Variants in POP4 observed in about 807,000 individuals in gnomAD.
POP4 encodes the protein POP4 ribonuclease P/MRP subunit.
In POP4, 31 loss-of-function variants were observed where a neutral mutation model predicts 29.9. The observed-to-expected ratio is 1.04, with a 90% confidence interval of 0.78 to 1.40. The LOEUF (loss-of-function observed/expected upper bound fraction) is 1.40, where lower values mean the gene tolerates loss of function less well. Ranked by LOEUF, POP4 falls within the 40% of genes most tolerant of loss-of-function variation. The probability of loss-of-function intolerance (pLI) is 0.00; values close to 1 mark genes in which losing one functional copy is unlikely to be tolerated. For synonymous variants in POP4, 110 were observed against 108.2 expected (o/e 1.02, Z -0.10); for missense variants, 286 against 282.7 (o/e 1.01, Z -0.08).
At chr19:29,611,749 C>T in intron 3 of POP4, 113 bp from the exon 4 acceptor site, 2 of 855,388 alleles carry the variant, frequency 2.3e-6, no homozygotes, top group Non-Finnish European at 1.9e-6. Context: ...CACATAGTTC[C>T]TAATGATCCC....
Position 29,606,333 on chromosome 19 carries a change from G to A in POP4, c.7+8G>A, listed in dbSNP as rs749191818. The A allele has an allele frequency of 1.2e-6, 2 of 1,606,156 alleles. No individual in the cohort carries two copies. The highest frequency in any genetic ancestry group is 1.1e-5 in the South Asian group (1 of 90,138). On this transcript the variant is annotated splice_region_variant and intron_variant, in intron 1 of 6. Transcript: ENST00000585603. ...GCGGTCCGAGAATGAAGAGTAAGCG[G>A]GGCCGCGAAGTTGGAGAGGGTTGGG...
rs1347696169 is a variant in POP4 at position 29,617,102 on chromosome 19, TC to T, written c.*1727del. ...GTCTTGAGTGGGAAGTGGCATCTAT[TC>T]CCCCAGCCATCTGAAAATGCTGTGT... On this transcript the variant is annotated 3_prime_UTR_variant, in exon 7 of 7. Coordinates refer to ENST00000585603, the MANE Select transcript of POP4 (RefSeq NM_006627.3). 1 of 152,200 alleles carries T rather than the reference TC, an allele frequency of 6.6e-6. No individual in the cohort carries two copies. The highest frequency in any genetic ancestry group is 2.4e-5 in the African/African-American group (1 of 41,434). 9.4% of individuals were successfully genotyped at this position (152,200 alleles called of 1,614,324 possible).
Position 29,617,125 on chromosome 19 carries a change from G to C in POP4, c.*1745G>C, listed in dbSNP as rs1253059392. On this transcript the variant is annotated 3_prime_UTR_variant, in exon 7 of 7. Coordinates refer to ENST00000585603, the MANE Select transcript of POP4 (RefSeq NM_006627.3). ...ATTCCCCCAGCCATCTGAAAATGCT[G>C]TGTTCATAACCAAATAGGTGCTGTA... is the stretch of plus-strand genomic sequence containing the variant. 1 of 152,242 alleles carries C rather than the reference G, an allele frequency of 6.6e-6. No individual in the cohort carries two copies. Among genetic ancestry groups the C allele is most frequent in the African/African-American group, 2.4e-5 (1 of 41,442 alleles). 9.4% of individuals were successfully genotyped at this position (152,242 alleles called of 1,614,324 possible).
At chr19:29,614,669 A>G (rs1337119644) in intron 6 of POP4, among the ~76,000 whole-genome samples, 1 of 151,916 alleles carries the variant, frequency 6.6e-6, no homozygotes, top group Non-Finnish European at 1.5e-5. Flanking sequence ...ACGCCCGGCT[A>G]ATTTTTGTAT....
chr19:29,613,549 C>T (rs1288401955), intron 5 of POP4, among the ~76,000 whole-genome samples: 6 of 152,220 alleles, frequency 3.9e-5, no homozygotes, highest in Admixed American at 3.9e-4. Context: ...TGCATCAGAG[C>T]AGCCAGCCCG....
chr19:29,609,344 T>G (rs1190791030), intron 2 of POP4: 3 of 152,406 alleles, frequency 2.0e-5, no homozygotes, highest in Non-Finnish European at 4.4e-5. Context: ...GTGAGCTCCC[T>G]CGAAGGCTAT....
intron 5 of POP4, 51 bp from the exon 6 acceptor site, chr19:29,613,820 T>TCC (rs774488637): frequency 6.4e-7 from 1 of 1,557,360 alleles, no homozygotes; most frequent in Non-Finnish European, 8.6e-7. Context: ...TCTCTGTGGT[T>TCC]CCCCCAGCAC....
Position 29,615,300 on chromosome 19 carries a change from A to G in POP4, c.583A>G (p.Ile195Val). Residue 195 changes from isoleucine (I) to valine (V), a missense_variant, in exon 7 of 7, where the codon ATT becomes GTT. Transcript: ENST00000585603. ...TVETDGFISY[I>V]YGSKFQLRSS... ...GGAAACCGATGGCTTTATTTCCTAC[A>G]TTTACGGGAGCAAATTCCAGCTTCG... 2 of 1,607,568 alleles carry G rather than the reference A, an allele frequency of 1.2e-6. No individual in the cohort carries two copies. Among genetic ancestry groups the G allele is most frequent in the South Asian group, 1.1e-5 (1 of 90,900 alleles).
rs760011774 is a variant in POP4, at chr19:29,616,511, C to G, written c.*1131C>G. ...GAGAAGTAGCAGTGCCAGGGCTTTG[C>G]GTTTCTGGTAACTTCCACCCAAACC... On this transcript the variant is annotated 3_prime_UTR_variant, in exon 7 of 7. Transcript: ENST00000585603. The G allele has an allele frequency of 5.9e-5, 9 of 152,296 alleles. No homozygotes were observed. Among genetic ancestry groups the G allele is most frequent in the Non-Finnish European group, 1.3e-4 (9 of 68,106 alleles). 9.4% of individuals were successfully genotyped at this position (152,296 alleles called of 1,614,324 possible). A position where few individuals can be genotyped will look rare whatever the true frequency, so the allele number is the denominator to read the frequency against.
Position 29,611,941 on chromosome 19 carries a change from T to G in POP4, c.362+2T>G. ...GTGCAGTGGGCTCAAGCCAGACACG[T>G]AAGTTGCATTCCTGAAGCTTTGCTC... On this transcript the variant is annotated splice_donor_variant, in intron 4 of 6. Transcript: ENST00000585603. LOFTEE classifies it high-confidence loss of function. 1 of 1,613,490 alleles carries G rather than the reference T, an allele frequency of 6.2e-7. No individual in the cohort carries two copies. The highest frequency in any genetic ancestry group is 8.5e-7 in the Non-Finnish European group (1 of 1,179,374).
At chr19:29,614,960 A>G (rs1971113588) in intron 6 of POP4, among the ~76,000 whole-genome samples, 1 of 152,168 alleles carries the variant, frequency 6.6e-6, no homozygotes, top group Non-Finnish European at 1.5e-5. Flanking sequence ...TGGGAAAACC[A>G]GTTTCTGGCA....
chr19:29,610,803 G>A, intron 3 of POP4, 171 bp downstream of exon 3: 1 of 662,874 alleles, frequency 1.5e-6, no homozygotes, highest in Non-Finnish European at 2.6e-6. Flanking sequence ...TGTTCAGCGA[G>A]GCGGGTGAGA....
Position 29,610,370 on chromosome 19 carries a change from C to G in POP4, c.61-39C>G, listed in dbSNP as rs200268742. 1.9e-4 allele frequency: 294 copies of G among 1,512,176 alleles called. No homozygotes were observed. In the African/African-American group the frequency reaches 3.8e-3, roughly 19 times the overall value. The allele number at this position is 1,512,176 out of a possible 1,614,324, so 93.7% of individuals were successfully genotyped here. On this transcript the variant is annotated intron_variant, in intron 2 of 6. Transcript: ENST00000585603. ...TGCCTGGGATCCTGGGCTGCCCAGA[C>G]CGGAGCAGTGAGCGCCGCACCCCCT...
intron 5 of POP4, among the ~76,000 whole-genome samples, chr19:29,612,602 G>C (rs1348179724): frequency 6.6e-5 from 10 of 152,116 alleles, no homozygotes. Flanking sequence ...GCATCCAGCT[G>C]CCCACTTGAC....
At position 29,614,242 on chromosome 19, in the gene POP4, T is replaced by C. The variant is rs541202972; in HGVS notation, c.526+270T>C. Among the ~76,000 whole-genome samples, 7 of 152,338 alleles carry C rather than the reference T, an allele frequency of 4.6e-5. No homozygotes were observed. In the East Asian group the frequency reaches 1.4e-3, roughly 29 times the overall value. On this transcript the variant is annotated intron_variant, in intron 6 of 6. Transcript: ENST00000585603. ...GGCTGTGCCTCAGGGGACCTGGGTC[T>C]GTTTAGGCCCCAGGAGAGGGCCTCC...
Position 29,615,251 on chromosome 19 carries a change from C to T in POP4, c.534C>T (p.Pro178=). ...ITKEDRLKVI[P]KLNCVFTVET... ...TTTTTTTTTTTTTTTCAGTTATCCC[C>T]AAGCTAAACTGCGTGTTCACTGTGG... is the stretch of plus-strand genomic sequence containing the variant. Residue 178 remains proline (P), a synonymous_variant, in exon 7 of 7, where the codon CCC becomes CCT. Coordinates refer to ENST00000585603, the MANE Select transcript of POP4 (RefSeq NM_006627.3). The T allele has an allele frequency of 6.5e-7, 1 of 1,545,072 alleles. No homozygotes were observed.
At chr19:29,613,228 T>G (rs1037565571) in intron 5 of POP4, 2 of 152,626 alleles carry the variant, frequency 1.3e-5, no homozygotes, top group African/African-American at 4.8e-5. Flanking sequence ...GAAAGTAGAA[T>G]GGTGTGGTTC....
intron 1 of POP4, 107 bp from the exon 2 acceptor site, chr19:29,608,550 A>G (rs1465585): frequency 0.85 from 958,697 of 1,130,952 alleles, 406,795 homozygotes; most frequent in Middle Eastern, 0.88. Flanking sequence ...GACTACAGGT[A>G]TGAGCCACTG....
At chr19:29,607,467 CAAAA>C (rs11358303) in intron 1 of POP4, among the ~76,000 whole-genome samples, 3 of 149,976 alleles carry the variant, frequency 2.0e-5, no homozygotes, top group African/African-American at 7.3e-5. Context: ...AAACAAACAA[CAAAA>C]AAAAAAAACT....
Sources: allele counts gnomAD v4.1 joint callset (sites outside exome capture counted in the v4.1 genomes callset), GRCh38; gene constraint gnomAD v4.1.1; transcripts MANE v1.5; gene names NCBI Gene and HGNC (gene_info 2026-07-23, HGNC 2026-07-21).